Variants in NDST4 observed in about 807,000 individuals in gnomAD.
The protein encoded by NDST4 is N-heparan sulfate sulfotransferase 4.
NDST4 carries 63 observed loss-of-function variants against 100.8 expected under a neutral mutation model. The ratio of observed to expected loss-of-function variants is 0.62; its 90% CI spans 0.51 to 0.77. The LOEUF is 0.77. NDST4 is among the 30% of genes least tolerant of loss of function. The pLI is 0.00. For missense variants in NDST4, 943 were observed against 1,018.4 expected, an observed-to-expected ratio of 0.93 and a Z score of 1.01; for synonymous variants, 377 against 361.8, an observed-to-expected ratio of 1.04 and a Z score of -0.48.
intron 2 of NDST4, among the ~76,000 whole-genome samples, chr4:114,986,834 T>TA (rs1726924842): frequency 1.3e-5 from 1 of 75,114 alleles, no homozygotes; most frequent in Non-Finnish European, 2.6e-5. Context: ...ATATATATAT[T>TA]TTAATATACT....
At chr4:114,831,497 C>T (rs1027901929) in intron 12 of NDST4, among the ~76,000 whole-genome samples, 2 of 152,164 alleles carry the variant, frequency 1.3e-5, no homozygotes, top group African/African-American at 4.8e-5. Flanking sequence ...TTGTTTTCTG[C>T]CTCAGGATGA....
At chr4:114,953,497 C>T (rs1038618085) in intron 4 of NDST4, among the ~76,000 whole-genome samples, 1 of 152,028 alleles carries the variant, frequency 6.6e-6, no homozygotes, top group Non-Finnish European at 1.5e-5. Context: ...AGTTTAGGAG[C>T]AAATAGTCCT....
intron 12 of NDST4, among the ~76,000 whole-genome samples, 173 bp from the exon 13 acceptor site, chr4:114,830,065 T>C (rs1723162450): frequency 6.6e-6 from 1 of 152,234 alleles, no homozygotes; most frequent in South Asian, 2.1e-4. Flanking sequence ...TGAAAGAAGC[T>C]ATATGTTATT....
At chr4:115,085,844 T>G (rs1460486720) in intron 1 of NDST4, among the ~76,000 whole-genome samples, 1 of 152,200 alleles carries the variant, frequency 6.6e-6, no homozygotes, top group Non-Finnish European at 1.5e-5. Context: ...TTTTTCAAAT[T>G]ACAGGTCACC....
chr4:115,066,311 C>T (rs1227108475), intron 2 of NDST4, among the ~76,000 whole-genome samples: 1 of 152,100 alleles, frequency 6.6e-6, no homozygotes, highest in East Asian at 1.9e-4. Context: ...GAGAATAACC[C>T]TATTTGCTTC....
intron 6 of NDST4, among the ~76,000 whole-genome samples, chr4:114,894,152 T>C (rs573328300): frequency 6.6e-6 from 1 of 152,358 alleles, no homozygotes; most frequent in Non-Finnish European, 1.5e-5. Flanking sequence ...CCTTGTAGTA[T>C]AGTCTGAAGT....
At chr4:114,883,759 A>T (rs1165266503) in intron 6 of NDST4, among the ~76,000 whole-genome samples, 3 of 151,998 alleles carry the variant, frequency 2.0e-5, no homozygotes, top group African/African-American at 4.8e-5. Context: ...GAGTAGGGGG[A>T]AGTAGGGAAT....
chr4:114,919,589 G>A (rs528048599), intron 6 of NDST4, among the ~76,000 whole-genome samples: 1 of 152,300 alleles, frequency 6.6e-6, no homozygotes, highest in Non-Finnish European at 1.5e-5. Flanking sequence ...GTGAGTAAGT[G>A]AAGGTCAGAG....
At chr4:115,080,280 G>A (rs140416007) in intron 1 of NDST4, among the ~76,000 whole-genome samples, 1,674 of 152,198 alleles carry the variant, frequency 0.011, 15 homozygotes, top group African/African-American at 0.02. Flanking sequence ...GGGATTACAG[G>A]CACACACCTT....
At chr4:114,892,361 T>A (rs564427703) in intron 6 of NDST4, among the ~76,000 whole-genome samples, 1 of 152,310 alleles carries the variant, frequency 6.6e-6, no homozygotes, top group South Asian at 2.1e-4. Flanking sequence ...TGCTTTGATA[T>A]ATACTGTGCA....
At chr4:114,837,958 A>G (rs1723337796) in intron 11 of NDST4, among the ~76,000 whole-genome samples, 2 of 152,238 alleles carry the variant, frequency 1.3e-5, no homozygotes, top group Admixed American at 1.3e-4. Flanking sequence ...ATCTACAAGG[A>G]ACTTAAACAA....
intron 1 of NDST4, among the ~76,000 whole-genome samples, chr4:115,105,897 T>C (rs1462616082): frequency 1.3e-5 from 2 of 152,176 alleles, no homozygotes; most frequent in Non-Finnish European, 2.9e-5. Flanking sequence ...TTAGCTTTTT[T>C]CCTTTAATTA....
At chr4:114,844,068 T>C (rs1723492620) in intron 10 of NDST4, among the ~76,000 whole-genome samples, 1 of 151,794 alleles carries the variant, frequency 6.6e-6, no homozygotes, top group South Asian at 2.1e-4. Flanking sequence ...TGGAAATTTG[T>C]TTCATCCTTG....
At chr4:115,060,899 G>T (rs921791776) in intron 2 of NDST4, among the ~76,000 whole-genome samples, 1 of 151,890 alleles carries the variant, frequency 6.6e-6, no homozygotes, top group African/African-American at 2.4e-5. Context: ...TCAATTAGTA[G>T]TTTAGAATAA....
intron 2 of NDST4, among the ~76,000 whole-genome samples, chr4:114,983,031 T>G (rs1726814473): frequency 6.6e-6 from 1 of 151,728 alleles, no homozygotes; most frequent in African/African-American, 2.4e-5. Context: ...GAGGTAAGAG[T>G]TGAGATTTGG....
At chr4:115,073,927 G>A (rs536320467) in intron 2 of NDST4, among the ~76,000 whole-genome samples, 2 of 151,688 alleles carry the variant, frequency 1.3e-5, no homozygotes, top group East Asian at 3.9e-4. Flanking sequence ...TACTGTTTTT[G>A]TCAATTAAAA....
chr4:114,974,722 T>A (rs529515280), intron 3 of NDST4, among the ~76,000 whole-genome samples: 1 of 152,242 alleles, frequency 6.6e-6, no homozygotes, highest in South Asian at 2.1e-4. Flanking sequence ...TGTGGGTGAA[T>A]GACTTTAGGA....
At chr4:115,003,863 G>A (rs1464433076) in intron 2 of NDST4, among the ~76,000 whole-genome samples, 4 of 150,200 alleles carry the variant, frequency 2.7e-5, no homozygotes, top group African/African-American at 7.4e-5. Flanking sequence ...GTAAGACTCT[G>A]TCTCAAAAAA....
chr4:115,042,720 A>T (rs1021884574), intron 2 of NDST4, among the ~76,000 whole-genome samples: 5 of 152,052 alleles, frequency 3.3e-5, no homozygotes, highest in Non-Finnish European at 7.4e-5. Context: ...GTGAGGGGAG[A>T]CTACTGCACT....
Sources: allele counts gnomAD v4.1 joint callset (sites outside exome capture counted in the v4.1 genomes callset), GRCh38; gene constraint gnomAD v4.1.1; transcripts MANE v1.5; gene names NCBI Gene and HGNC (gene_info 2026-07-23, HGNC 2026-07-21).